SNTG1: variants seen among roughly 807,000 people sequenced by gnomAD.
SNTG1 encodes the protein gamma-1-syntrophin.
SNTG1 carries 39 observed loss-of-function variants against 74.7 expected under a neutral mutation model. The ratio of observed to expected loss-of-function variants is 0.52; its 90% confidence interval spans 0.40 to 0.68. The LOEUF is 0.68. Ranked by LOEUF, SNTG1 falls within the 30% of genes least tolerant of loss-of-function variation. The pLI is 0.00. For missense variants in SNTG1, 685 were observed against 609.5 expected (o/e 1.12, Z -1.30); for synonymous variants, 254 against 217.1 (o/e 1.17, Z -1.49).
At chr8:50,253,508 T>C (rs1586851529) in intron 2 of SNTG1, among the ~76,000 whole-genome samples, 1 of 152,278 alleles carries the variant, frequency 6.6e-6, no homozygotes, top group African/African-American at 2.4e-5. Flanking sequence ...GAAATTGGTA[T>C]GTCAAAGAGA....
intron 1 of SNTG1, among the ~76,000 whole-genome samples, chr8:49,980,521 C>CAAAAAAAAAAAAAAAAAAAAA (rs565561398): frequency 3.7e-5 from 2 of 53,828 alleles, no homozygotes; most frequent in African/African-American, 7.4e-5. Context: ...GACTCCTTCG[C>CAAAAAAAAAAAAAAAAAAAAA]AAAAAAAAAA....
At chr8:50,050,329 CTTACAAAT>C (rs1358517729) in intron 1 of SNTG1, among the ~76,000 whole-genome samples, 3 of 151,766 alleles carry the variant, frequency 2.0e-5, no homozygotes, top group Non-Finnish European at 2.9e-5. Context: ...CAAGCCTGTG[CTTACAAAT>C]TTGATAACCT....
At chr8:50,311,084 T>C (rs1292123662) in intron 2 of SNTG1, among the ~76,000 whole-genome samples, 1 of 152,218 alleles carries the variant, frequency 6.6e-6, no homozygotes, top group Non-Finnish European at 1.5e-5. Flanking sequence ...TTTCTAAAAA[T>C]ATTATGAGCC....
chr8:49,937,839 T>A (rs566513093), intron 1 of SNTG1, among the ~76,000 whole-genome samples: 1 of 152,326 alleles, frequency 6.6e-6, no homozygotes, highest in African/African-American at 2.4e-5. Context: ...TTTTCTTTTC[T>A]TTCTCCTTTC....
chr8:50,086,065 C>G (rs1359190494), intron 1 of SNTG1, among the ~76,000 whole-genome samples: 1 of 152,042 alleles, frequency 6.6e-6, no homozygotes, highest in Non-Finnish European at 1.5e-5. Context: ...TTTGGGGTAG[C>G]AACCAACTAT....
At chr8:50,094,834 C>T (rs1052767072) in intron 1 of SNTG1, among the ~76,000 whole-genome samples, 5 of 152,250 alleles carry the variant, frequency 3.3e-5, no homozygotes, top group Admixed American at 3.3e-4. Context: ...ATAAATCTTT[C>T]TACCAAAAAG....
intron 9 of SNTG1, among the ~76,000 whole-genome samples, chr8:50,505,184 G>C (rs1438026966): frequency 6.6e-6 from 1 of 152,096 alleles, no homozygotes; most frequent in Non-Finnish European, 1.5e-5. Flanking sequence ...ATTTAAGAAT[G>C]AATAACATTC....
chr8:49,917,172 A>G (rs967408363), intron 1 of SNTG1, among the ~76,000 whole-genome samples: 9 of 152,164 alleles, frequency 5.9e-5, no homozygotes, highest in Non-Finnish European at 8.8e-5. Flanking sequence ...GAGGTTCAAC[A>G]TGGTTTGTCA....
At chr8:50,673,317 T>C (rs1400650511) in intron 15 of SNTG1, among the ~76,000 whole-genome samples, 1 of 152,218 alleles carries the variant, frequency 6.6e-6, no homozygotes, top group East Asian at 1.9e-4. Context: ...GAGGATGGAA[T>C]ATTTTTCCAT....
intron 1 of SNTG1, among the ~76,000 whole-genome samples, chr8:49,968,698 G>A (rs957017701): frequency 1.3e-5 from 2 of 152,082 alleles, no homozygotes; most frequent in African/African-American, 4.8e-5. Context: ...ATAGACCAAA[G>A]CTATAGCTGG....
chr8:50,762,549 C>A, intron 18 of SNTG1: 1 of 372,160 alleles, frequency 2.7e-6, no homozygotes, highest in South Asian at 2.4e-5. Flanking sequence ...TTAATGCAGG[C>A]AAAGATCATT....
intron 2 of SNTG1, among the ~76,000 whole-genome samples, chr8:50,246,803 C>T (rs552543537): frequency 4.1e-4 from 62 of 152,260 alleles, no homozygotes; most frequent in African/African-American, 1.5e-3. Context: ...CCCAAAAGAC[C>T]AATGTCATCC....
At chr8:50,176,902 T>C (rs1294252857) in intron 2 of SNTG1, among the ~76,000 whole-genome samples, 2 of 152,158 alleles carry the variant, frequency 1.3e-5, no homozygotes. Context: ...TGGTATTGCT[T>C]TCCCTCATGG....
intron 2 of SNTG1, among the ~76,000 whole-genome samples, chr8:50,349,580 T>C (rs899727679): frequency 3.9e-5 from 6 of 152,210 alleles, no homozygotes; most frequent in African/African-American, 1.2e-4. Context: ...TTCTTTTTTT[T>C]ACATATTTAC....
At chr8:50,550,769 C>A (rs1313642172) in intron 11 of SNTG1, among the ~76,000 whole-genome samples, 1 of 151,904 alleles carries the variant, frequency 6.6e-6, no homozygotes. Flanking sequence ...AGTTTAATGT[C>A]TCACAATGCT....
chr8:50,647,639 T>A (rs529128200), intron 13 of SNTG1, among the ~76,000 whole-genome samples: 31 of 152,048 alleles, frequency 2.0e-4, no homozygotes, highest in African/African-American at 7.5e-4. Context: ...GAAGAAAAAA[T>A]AACAAACTAA....
intron 1 of SNTG1, among the ~76,000 whole-genome samples, chr8:50,120,432 T>TACC (rs2080958326): frequency 7.2e-6 from 1 of 139,796 alleles, no homozygotes; most frequent in Non-Finnish European, 1.6e-5. Context: ...GTACTACTAC[T>TACC]ACCACCACCA....
chr8:50,149,988 A>G (rs544521445), intron 1 of SNTG1, among the ~76,000 whole-genome samples: 2 of 152,214 alleles, frequency 1.3e-5, no homozygotes, highest in East Asian at 1.9e-4. Flanking sequence ...CTTGGGCAGT[A>G]TGGCCATTTT....
At chr8:50,371,167 T>C (rs189540006) in intron 2 of SNTG1, among the ~76,000 whole-genome samples, 1 of 152,274 alleles carries the variant, frequency 6.6e-6, no homozygotes, top group East Asian at 1.9e-4. Flanking sequence ...GCTATTGGCC[T>C]ACTACTGGAT....
Sources: allele counts gnomAD v4.1 joint callset (sites outside exome capture counted in the v4.1 genomes callset), GRCh38; gene constraint gnomAD v4.1.1; transcripts MANE v1.5; gene names NCBI Gene and HGNC (gene_info 2026-07-23, HGNC 2026-07-21).